Variants in DNAJC1 observed in about 807,000 individuals in gnomAD.
The protein encoded by DNAJC1 is DnaJ heat shock protein family (Hsp40) member C1, also known as dnaJ homolog subfamily C member 1.
In DNAJC1, 58 loss-of-function variants were observed where a neutral mutation model predicts 76.6. The observed-to-expected ratio is 0.76, with a 90% confidence interval of 0.61 to 0.94. The LOEUF (loss-of-function observed/expected upper bound fraction) is 0.94, where lower values mean the gene tolerates loss of function less well. DNAJC1 is among the 40% of genes least tolerant of loss of function. The pLI, the probability that DNAJC1 is intolerant of heterozygous loss-of-function variation, is 0.00. For missense variants in DNAJC1, 689 were observed against 677.3 expected (o/e 1.02, Z -0.19); for synonymous variants, 258 against 267.9 (o/e 0.96, Z 0.36).
At chr10:21,875,820 G>C (rs1352637625) in intron 8 of DNAJC1, among the ~76,000 whole-genome samples, 1 of 152,100 alleles carries the variant, frequency 6.6e-6, no homozygotes, top group African/African-American at 2.4e-5. Flanking sequence ...AGCTATTCCA[G>C]GGGCTGAGGC....
At chr10:21,891,281 CAAAT>C (rs1260967595) in intron 7 of DNAJC1, among the ~76,000 whole-genome samples, 1 of 151,550 alleles carries the variant, frequency 6.6e-6, no homozygotes, top group South Asian at 2.1e-4. Context: ...ACTCTTGAAA[CAAAT>C]AAAAAGTTTC....
chr10:21,840,154 G>C (rs944516137), intron 8 of DNAJC1, among the ~76,000 whole-genome samples: 44 of 152,260 alleles, frequency 2.9e-4, no homozygotes, highest in African/African-American at 1.0e-3. Context: ...CATACCGAAT[G>C]GGCAAAAACT....
chr10:21,933,573 C>G (rs1370743765), intron 1 of DNAJC1: 1 of 152,208 alleles, frequency 6.6e-6, no homozygotes, highest in East Asian at 1.9e-4. Context: ...GAAACTGAAG[C>G]TAAGAAAGAT....
chr10:21,848,753 A>T (rs1046901989), intron 8 of DNAJC1, among the ~76,000 whole-genome samples: 1 of 152,226 alleles, frequency 6.6e-6, no homozygotes, highest in African/African-American at 2.4e-5. Context: ...AAGTGTCAAT[A>T]AATTTTAAAT....
chr10:21,864,074 C>T (rs1835956835), intron 8 of DNAJC1, among the ~76,000 whole-genome samples: 1 of 151,970 alleles, frequency 6.6e-6, no homozygotes, highest in Non-Finnish European at 1.5e-5. Flanking sequence ...AGGCATGGTG[C>T]CGTGTGCCTG....
chr10:21,927,992 C>CA (rs1689482249), intron 3 of DNAJC1, among the ~76,000 whole-genome samples: 1 of 152,156 alleles, frequency 6.6e-6, no homozygotes, highest in Non-Finnish European at 1.5e-5. Context: ...GAAATAGATG[C>CA]AAGAGGCAAA....
chr10:21,998,703 A>G (rs1838462717), intron 1 of DNAJC1, among the ~76,000 whole-genome samples: 1 of 152,184 alleles, frequency 6.6e-6, no homozygotes, highest in Non-Finnish European at 1.5e-5. Context: ...ACCCCTTTCT[A>G]GACTTCTAGA....
At chr10:21,904,442 C>A in intron 7 of DNAJC1, 80 bp downstream of exon 7, 9 of 882,720 alleles carry the variant, frequency 1.0e-5, no homozygotes, top group South Asian at 2.7e-5. Flanking sequence ...AATTTAATTA[C>A]TGCTGAATTT....
chr10:21,966,527 A>G (rs2131823591), intron 1 of DNAJC1, among the ~76,000 whole-genome samples: 1 of 148,642 alleles, frequency 6.7e-6, no homozygotes, highest in African/African-American at 2.5e-5. Context: ...TTGTTTGGTT[A>G]TTTATTTATG....
intron 1 of DNAJC1, among the ~76,000 whole-genome samples, chr10:21,970,453 G>A (rs1253683608): frequency 6.6e-6 from 1 of 151,972 alleles, no homozygotes; most frequent in Admixed American, 6.6e-5. Context: ...AAACCAAATA[G>A]AAGCAGGAAA....
At chr10:21,918,198 TAAAAG>T (rs1382033068) in intron 6 of DNAJC1, among the ~76,000 whole-genome samples, 1 of 151,754 alleles carries the variant, frequency 6.6e-6, no homozygotes, top group African/African-American at 2.4e-5. Context: ...TGTAAAAAAA[TAAAAG>T]AAACTGACAT....
intron 8 of DNAJC1, among the ~76,000 whole-genome samples, chr10:21,866,290 T>C (rs1276491713): frequency 1.3e-5 from 2 of 151,918 alleles, no homozygotes; most frequent in Non-Finnish European, 2.9e-5. Context: ...ACTAGAGTTT[T>C]TTAAACTGCA....
intron 8 of DNAJC1, among the ~76,000 whole-genome samples, chr10:21,867,695 C>T (rs957477368): frequency 3.3e-5 from 5 of 152,046 alleles, no homozygotes; most frequent in African/African-American, 1.2e-4. Context: ...TCACCTAGAA[C>T]CTCATTATAT....
intron 8 of DNAJC1, among the ~76,000 whole-genome samples, chr10:21,879,964 G>C (rs1203780731): frequency 6.6e-6 from 1 of 152,182 alleles, no homozygotes; most frequent in Non-Finnish European, 1.5e-5. Flanking sequence ...GATGCTGCTT[G>C]ATAGCATTTT....
rs897917054 is a variant in DNAJC1 at position 21,813,541 on chromosome 10, G to A, written c.979-7442C>T. Among the ~76,000 whole-genome samples the A allele has an allele frequency of 1.3e-4, 19 of 151,884 alleles. No homozygotes were observed. The East Asian group carries it at 2.1e-3, about 17-fold the overall frequency. On this transcript the variant is annotated intron_variant, in intron 8 of 11. Transcript: ENST00000376980. ...CTCCCGAGTAGCTGGGACTACAGGC[G>A]CCCACCATCACGCCCAGCTAATTTT...
In DNAJC1 at chr10:21,920,910, T is replaced by C. The variant is rs1370982908; in HGVS notation, c.425A>G (p.Tyr142Cys). Residue 142 changes from tyrosine (Y) to cysteine (C), a missense_variant, in exon 4 of 12, where the codon TAC becomes TGC. Tyr to Cys is a radical substitution (Grantham distance 194). Coordinates refer to ENST00000376980, the MANE Select transcript of DNAJC1 (RefSeq NM_022365.4). ...GCTCATTTTTCTCACCCGCCTGTAG[T>C]AGAATACAGGCTGTCGCCAATCTGG... ...GLPDWRQPVF[Y>C]YRRVRKMSNA... The C allele has an allele frequency of 1.9e-6, 3 of 1,612,722 alleles. No homozygotes were observed. The highest frequency in any genetic ancestry group is 2.2e-5 in the East Asian group (1 of 44,842).
chr10:21,828,685 C>G (rs2131665898), intron 8 of DNAJC1, among the ~76,000 whole-genome samples: 1 of 152,292 alleles, frequency 6.6e-6, no homozygotes, highest in East Asian at 1.9e-4. Flanking sequence ...TCTACTTCCT[C>G]CCTCCATATT....
At chr10:21,833,997 G>A (rs1187736996) in intron 8 of DNAJC1, among the ~76,000 whole-genome samples, 2 of 151,792 alleles carry the variant, frequency 1.3e-5, no homozygotes, top group African/African-American at 4.8e-5. Flanking sequence ...AGGTGCGGTG[G>A]CTCACACCTG....
intron 8 of DNAJC1, among the ~76,000 whole-genome samples, chr10:21,824,869 A>G (rs1383867678): frequency 6.6e-6 from 1 of 151,942 alleles, no homozygotes; most frequent in African/African-American, 2.4e-5. Context: ...TGCTTCCTGG[A>G]TTCAAGTGAT....
Sources: allele counts gnomAD v4.1 joint callset (sites outside exome capture counted in the v4.1 genomes callset), GRCh38; gene constraint gnomAD v4.1.1; transcripts MANE v1.5; gene names NCBI Gene and HGNC (gene_info 2026-07-23, HGNC 2026-07-21).